Variants in CSMD2 observed in about 807,000 individuals in gnomAD.
The protein encoded by CSMD2 is CUB and Sushi multiple domains 2, also known as CUB and sushi domain-containing protein 2.
Under a neutral mutation model 398.5 loss-of-function variants are expected in CSMD2, and 130 were observed. The ratio of observed to expected loss-of-function variants is 0.33; its 90% CI spans 0.28 to 0.38. The LOEUF is 0.38. Among genes scored for constraint, CSMD2 ranks in the 10% least tolerant of loss-of-function variants. The pLI, the probability that CSMD2 is intolerant of heterozygous loss-of-function variation, is 1.00. For synonymous variants in CSMD2, 1,828 were observed against 1,908.5 expected (o/e 0.96, Z 1.10); for missense variants, 3,829 against 4,764.9 (o/e 0.80, Z 5.78).
intron 1 of CSMD2, among the ~76,000 whole-genome samples, chr1:34,159,332 C>T (rs886817250): frequency 1.6e-4 from 11 of 66,716 alleles, no homozygotes; most frequent in Non-Finnish European, 3.0e-4. Flanking sequence ...CAGCCTGCCC[C>T]CCCCCCACCC....
At chr1:34,093,650 G>C (rs1198921286) in intron 1 of CSMD2, among the ~76,000 whole-genome samples, 1 of 151,798 alleles carries the variant, frequency 6.6e-6, no homozygotes, top group African/African-American at 2.4e-5. Context: ...CTGGAAGAAA[G>C]GGTATCAGCA....
intron 13 of CSMD2, among the ~76,000 whole-genome samples, chr1:33,765,287 A>G (rs996324362): frequency 6.6e-6 from 1 of 152,238 alleles, no homozygotes; most frequent in Non-Finnish European, 1.5e-5. Context: ...TAATTCAGGG[A>G]GGAAGGAGTT....
At position 33,567,832 on chromosome 1, in the gene CSMD2, G is replaced by A. The variant is rs1232974500; in HGVS notation, c.8141C>T (p.Thr2714Ile). The A allele has an allele frequency of 1.3e-6, 2 of 1,581,288 alleles. No individual in the cohort carries two copies. The highest frequency in any genetic ancestry group is 1.2e-5 in the South Asian group (1 of 86,926). The change falls in exon 53 of 71, where the codon ACC (threonine) becomes ATC (isoleucine). Residue 2714 changes from threonine to isoleucine, a missense_variant. By Grantham distance (89) the Thr-to-Ile change is moderately conservative (BLOSUM62 -1). This residue lies in a region of CSMD2 where 723 missense variants were observed against 758.6 expected (regional missense o/e 0.95). Coordinates refer to ENST00000373381, the MANE Select transcript of CSMD2 (RefSeq NM_001281956.2). ...CTTATAGAAAATGGAGTGGAGCTTGGTCTGAGTGGCTAGAGACAGGGATGG... is the reference window on the plus strand; with the variant it reads ...CTTATAGAAAATGGAGTGGAGCTTGATCTGAGTGGCTAGAGACAGGGATGG... ...GSEVRCLATQ[T>I]KLHSIFYKLL...
chr1:33,712,034 A>G (rs1646009101), intron 21 of CSMD2, among the ~76,000 whole-genome samples: 1 of 152,200 alleles, frequency 6.6e-6, no homozygotes, highest in Non-Finnish European at 1.5e-5. Flanking sequence ...GGAAACAAAT[A>G]AATGTTCCAG....
rs1315980121 is a variant in CSMD2, at chr1:33,636,223, G to C, written c.4969+137C>G. On this transcript the variant is annotated intron_variant, in intron 30 of 70. Transcript: ENST00000373381. This position sits in a 1 kb window ranked among gnomAD's most constrained non-coding sequence, Gnocchi z 4.8. ...ATAAGCCACTTCTATACACATCCAC[G>C]GCAAACCCAGGTTTGCCAGGCTTGG... 1.3e-6 allele frequency: 1 copy of C among 769,816 alleles called. No individual in the cohort carries two copies. Among genetic ancestry groups the C allele is most frequent in the Non-Finnish European group, 2.1e-6 (1 of 483,970 alleles). 47.7% of individuals were successfully genotyped at this position (769,816 alleles called of 1,614,324 possible). A position where few individuals can be genotyped will look rare whatever the true frequency, so the allele number is the denominator to read the frequency against.
intron 4 of CSMD2, among the ~76,000 whole-genome samples, chr1:33,932,448 C>T (rs1324593913): frequency 6.6e-6 from 1 of 151,976 alleles, no homozygotes; most frequent in African/African-American, 2.4e-5. Flanking sequence ...TTTCAGACGA[C>T]GAAAAAAGAA....
chr1:33,786,830 A>C (rs1318565963), intron 12 of CSMD2, among the ~76,000 whole-genome samples: 1 of 152,166 alleles, frequency 6.6e-6, no homozygotes, highest in Non-Finnish European at 1.5e-5. Context: ...TGTCATCTTT[A>C]CCCCAGGAGA....
chr1:33,881,282 C>G (rs566616637), intron 5 of CSMD2, among the ~76,000 whole-genome samples: 1 of 152,180 alleles, frequency 6.6e-6, no homozygotes, highest in Admixed American at 6.5e-5. Flanking sequence ...CTTGGGGTTC[C>G]CACAAATGTT....
chr1:33,740,707 T>C (rs1047196280), intron 14 of CSMD2, among the ~76,000 whole-genome samples: 1 of 152,170 alleles, frequency 6.6e-6, no homozygotes, highest in African/African-American at 2.4e-5. Flanking sequence ...TTTAGAAATA[T>C]GGTGTGGGAA....
intron 24 of CSMD2, among the ~76,000 whole-genome samples, chr1:33,697,528 A>C (rs912181367): frequency 2.0e-5 from 3 of 152,188 alleles, no homozygotes; most frequent in African/African-American, 7.2e-5. Flanking sequence ...GTAGTCGTCT[A>C]GGGGAAAAGC....
intron 2 of CSMD2, among the ~76,000 whole-genome samples, chr1:34,036,136 A>G (rs1167464153): frequency 2.0e-5 from 3 of 152,188 alleles, no homozygotes; most frequent in Admixed American, 6.5e-5. Context: ...AAAAAACCAC[A>G]TAACTATACA....
At chr1:33,650,805 C>T (rs1343173053) in intron 28 of CSMD2, among the ~76,000 whole-genome samples, 26 of 152,152 alleles carry the variant, frequency 1.7e-4, no homozygotes, top group Admixed American at 1.6e-3. Flanking sequence ...TGTCCCACCA[C>T]CCCAGAGAGT....
intron 15 of CSMD2, among the ~76,000 whole-genome samples, chr1:33,734,262 C>A (rs1274007953): frequency 1.3e-5 from 2 of 152,038 alleles, no homozygotes; most frequent in African/African-American, 2.4e-5. Context: ...ACTGTTAAAC[C>A]ATTTTCCTCT....
chr1:33,785,373 T>C (rs1311393155), intron 12 of CSMD2, among the ~76,000 whole-genome samples: 1 of 152,226 alleles, frequency 6.6e-6, no homozygotes, highest in East Asian at 1.9e-4. Flanking sequence ...TATGTAACCT[T>C]GGGAGGCTTC....
At chr1:33,552,769 G>A (rs1657580404) in intron 55 of CSMD2, among the ~76,000 whole-genome samples, 1 of 152,146 alleles carries the variant, frequency 6.6e-6, no homozygotes, top group Non-Finnish European at 1.5e-5. Flanking sequence ...GAGGTTGCCA[G>A]AAGCTGGGGT....
chr1:33,553,287 T>G (rs1297923410), intron 55 of CSMD2, among the ~76,000 whole-genome samples: 1 of 152,232 alleles, frequency 6.6e-6, no homozygotes. Context: ...CTCACAATAT[T>G]TCAAACGTTT....
chr1:33,756,438 G>A (rs1436938533), intron 13 of CSMD2, among the ~76,000 whole-genome samples: 1 of 152,212 alleles, frequency 6.6e-6, no homozygotes, highest in Non-Finnish European at 1.5e-5. Flanking sequence ...AAAAAGGAAT[G>A]AATGGCATAG....
chr1:34,069,292 G>C (rs1453944430), intron 2 of CSMD2, among the ~76,000 whole-genome samples: 1 of 152,170 alleles, frequency 6.6e-6, no homozygotes, highest in Non-Finnish European at 1.5e-5. Flanking sequence ...TGAGGTCTCT[G>C]TCTGCAGTGG....
At chr1:34,029,322 C>T (rs1558270739) in intron 3 of CSMD2, among the ~76,000 whole-genome samples, 2 of 152,140 alleles carry the variant, frequency 1.3e-5, no homozygotes, top group Non-Finnish European at 2.9e-5. Flanking sequence ...ATCTCCCCTC[C>T]TCCACCCCAC....
Sources: gnomAD v4.1 joint callset for allele counts (sites outside exome capture counted in the v4.1 genomes callset) on GRCh38, gnomAD v4.1.1 for gene constraint, gnomAD v4.1.1 regional missense constraint, Gnocchi (gnomAD v3.1) non-coding constraint, MANE v1.5 for transcripts, NCBI Gene and HGNC (gene_info 2026-07-23, HGNC 2026-07-21) for gene names.